Variants in CTNNA3 observed in about 807,000 individuals in gnomAD.
The protein encoded by CTNNA3 is catenin alpha 3.
CTNNA3 carries 76 observed loss-of-function variants against 95.7 expected under a neutral mutation model. The observed-to-expected ratio is 0.79, with a 90% CI of 0.66 to 0.96. CTNNA3 has a LOEUF of 0.96. Ranked by LOEUF, CTNNA3 falls within the 40% of genes least tolerant of loss-of-function variation. The pLI is 0.00. For synonymous variants in CTNNA3, 431 were observed against 374.4 expected (o/e 1.15, Z -1.74); for missense variants, 1,191 against 1,089.8 (o/e 1.09, Z -1.31).
intron 13 of CTNNA3, among the ~76,000 whole-genome samples, chr10:66,130,251 A>C (rs117184048): frequency 6.6e-6 from 1 of 152,292 alleles, no homozygotes; most frequent in East Asian, 1.9e-4. Flanking sequence ...AAATGCCTAC[A>C]TCAAAAAGTT....
chr10:67,006,741 T>C (rs557271232), intron 7 of CTNNA3, among the ~76,000 whole-genome samples: 1 of 152,300 alleles, frequency 6.6e-6, no homozygotes, highest in African/African-American at 2.4e-5. Context: ...TCTTTGAATG[T>C]TCAAATTCTG....
Position 66,471,773 on chromosome 10 carries a change from C to G in CTNNA3, c.1531+48844G>C, listed in dbSNP as rs552642845. Among the ~76,000 whole-genome samples the G allele has an allele frequency of 1.0e-3, 152 of 151,736 alleles. 1 individual carries two copies. The highest frequency in any genetic ancestry group is 3.3e-3 in the African/African-American group (135 of 41,426). On this transcript the variant is annotated intron_variant, in intron 11 of 17. Transcript: ENST00000433211. ...TTTGGTTGTTTTTATTGTTGTTTGA[C>G]TATTCAATTCTGGGTGATAAATAAA...
intron 14 of CTNNA3, among the ~76,000 whole-genome samples, chr10:66,074,750 A>G (rs1026645772): frequency 1.4e-5 from 2 of 147,590 alleles, no homozygotes; most frequent in African/African-American, 5.4e-5. Context: ...TATCTCACTT[A>G]CTAGAGATGT....
chr10:65,989,999 C>T (rs2078506830), intron 15 of CTNNA3, among the ~76,000 whole-genome samples: 1 of 151,886 alleles, frequency 6.6e-6, no homozygotes, highest in African/African-American at 2.4e-5. Flanking sequence ...AGCATAACAT[C>T]CTCCAGGCTC....
rs537814986 is a variant in CTNNA3, at chr10:66,887,530, AT to A, written c.1048-112007del. On this transcript the variant is annotated intron_variant, in intron 7 of 17. Transcript: ENST00000433211. Reference sequence around the variant, plus strand: ...GAATGTCAGTTGCAGGAAAAAAAAAATGTGTCCAAAACTTTCTCCAACCTTA... The same window carrying A: ...GAATGTCAGTTGCAGGAAAAAAAAAAGTGTCCAAAACTTTCTCCAACCTTA... Among the ~76,000 whole-genome samples the A allele has an allele frequency of 3.9e-4, 60 of 152,258 alleles. No individual in the cohort carries two copies. The South Asian group carries it at 7.0e-3, about 18-fold the overall frequency.
intron 7 of CTNNA3, among the ~76,000 whole-genome samples, chr10:67,101,757 A>C (rs188203580): frequency 2.0e-5 from 3 of 151,794 alleles, no homozygotes; most frequent in African/African-American, 7.2e-5. Context: ...TGAAAAAAAA[A>C]TTTTCTAAAA....
At chr10:66,072,663 T>G (rs2080465493) in intron 14 of CTNNA3, among the ~76,000 whole-genome samples, 1 of 152,060 alleles carries the variant, frequency 6.6e-6, no homozygotes, top group Non-Finnish European at 1.5e-5. Flanking sequence ...CAGGCTGGTC[T>G]TGAACTCCTG....
chr10:67,292,764 T>C (rs1210395467), intron 5 of CTNNA3, among the ~76,000 whole-genome samples: 1 of 152,184 alleles, frequency 6.6e-6, no homozygotes, highest in African/African-American at 2.4e-5. Flanking sequence ...AAAATAGTAA[T>C]GACTTTCAAA....
At chr10:67,618,538 C>G (rs1286517431) in intron 2 of CTNNA3, among the ~76,000 whole-genome samples, 2 of 152,188 alleles carry the variant, frequency 1.3e-5, no homozygotes, top group Non-Finnish European at 2.9e-5. Flanking sequence ...TTTTTCACAT[C>G]TACCTTAGAT....
chr10:66,840,366 TCTCTCTCACACAC>T (rs1843019939), intron 7 of CTNNA3, among the ~76,000 whole-genome samples: 1 of 83,206 alleles, frequency 1.2e-5, no homozygotes, highest in African/African-American at 8.5e-5. Flanking sequence ...TCTCTCTCTC[TCTCTCTCACACAC>T]ACACACACAC....
Position 67,566,432 on chromosome 10 carries a change from A to G in CTNNA3, c.293-26763T>C, listed in dbSNP as rs975145434. 1.8e-4 allele frequency among the ~76,000 whole-genome samples: 27 copies of G among 152,158 alleles called. No homozygotes were observed. In the East Asian group the frequency reaches 4.8e-3, roughly 27 times the overall value. On this transcript the variant is annotated intron_variant, in intron 3 of 17. Coordinates refer to ENST00000433211, the MANE Select transcript of CTNNA3 (RefSeq NM_013266.4). ...AACACATGAAAAAATGCTCATCATC[A>G]CTGGCCATCAGAGAAATGCAAATCA...
chr10:66,843,224 C>T (rs540810653), intron 7 of CTNNA3, among the ~76,000 whole-genome samples: 29 of 152,224 alleles, frequency 1.9e-4, no homozygotes, highest in African/African-American at 7.0e-4. Context: ...AAACCAAGCT[C>T]AGGGGGGTTT....
At chr10:67,048,685 T>C (rs1208661157) in intron 7 of CTNNA3, among the ~76,000 whole-genome samples, 1 of 152,114 alleles carries the variant, frequency 6.6e-6, no homozygotes, top group Non-Finnish European at 1.5e-5. Flanking sequence ...GCTCTCACAG[T>C]AAATTTCCAG....
chr10:66,436,313 CT>C (rs1014064398), intron 11 of CTNNA3, among the ~76,000 whole-genome samples: 1 of 152,028 alleles, frequency 6.6e-6, no homozygotes, highest in East Asian at 1.9e-4. Context: ...GAGTCTAAGT[CT>C]TTTTTTAGGT....
chr10:67,635,165 T>G (rs1056053674), intron 2 of CTNNA3, among the ~76,000 whole-genome samples: 3 of 152,030 alleles, frequency 2.0e-5, no homozygotes, highest in Non-Finnish European at 1.5e-5. Flanking sequence ...GTTCTGAAAT[T>G]GAGGCAGCAA....
At chr10:65,935,331 A>G in intron 17 of CTNNA3, among the ~76,000 whole-genome samples, 1 of 152,086 alleles carries the variant, frequency 6.6e-6, no homozygotes, top group Non-Finnish European at 1.5e-5. Context: ...CATGGAGATA[A>G]TTTGCACTAA....
intron 7 of CTNNA3, among the ~76,000 whole-genome samples, chr10:66,941,669 T>C (rs1164681653): frequency 1.3e-5 from 2 of 152,120 alleles, no homozygotes; most frequent in African/African-American, 2.4e-5. Flanking sequence ...ATGATGAGCA[T>C]GGGAGGAGGG....
chr10:65,948,823 G>T (rs1400811184), intron 17 of CTNNA3, among the ~76,000 whole-genome samples: 3 of 152,074 alleles, frequency 2.0e-5, no homozygotes, highest in Non-Finnish European at 4.4e-5. Context: ...TTTGAAGCCT[G>T]AAAAAATGTT....
intron 1 of CTNNA3, among the ~76,000 whole-genome samples, chr10:67,751,917 T>C (rs1589589448): frequency 6.6e-6 from 1 of 151,762 alleles, no homozygotes; most frequent in East Asian, 1.9e-4. Context: ...GGTACCATTC[T>C]TTCTGTAATT....
Sources: gnomAD v4.1 joint callset for allele counts (sites outside exome capture counted in the v4.1 genomes callset) on GRCh38, gnomAD v4.1.1 for gene constraint, MANE v1.5 for transcripts, NCBI Gene and HGNC (gene_info 2026-07-23, HGNC 2026-07-21) for gene names.